CEP63: variants seen among roughly 807,000 people sequenced by gnomAD.
CEP63 encodes centrosomal protein 63.
A neutral mutation model predicts 89.1 loss-of-function variants in CEP63; 84 were observed. The observed-to-expected ratio is 0.94, with a 90% CI of 0.79 to 1.13. CEP63 has a LOEUF of 1.13. Ranked by LOEUF, CEP63 falls within the 50% of genes most tolerant of loss-of-function variation. The probability of loss-of-function intolerance (pLI) is 0.00; values close to 1 mark genes in which losing one functional copy is unlikely to be tolerated. For missense variants in CEP63, 838 were observed against 813.3 expected, an observed-to-expected ratio of 1.03 and a Z score of -0.37; for synonymous variants, 267 against 272.5, an observed-to-expected ratio of 0.98 and a Z score of 0.20.
At position 134,561,396 on chromosome 3, in the gene CEP63, C is replaced by T. The variant is rs781235688; in HGVS notation, c.1973C>T (p.Pro658Leu). 5 of 1,613,954 alleles carry T rather than the reference C, an allele frequency of 3.1e-6. No individual in the cohort carries two copies. Among genetic ancestry groups the T allele is most frequent in the South Asian group, 1.1e-5 (1 of 91,082 alleles). The stretch of plus-strand genomic sequence containing the variant: ...TTCCAGTGTTCCTTGCCTGTATCTC[C>T]CCTTGGTTCAATAGCTACCAGATTT... ...FISSCSLPVSPLGSIATRFLE... is the reference protein window; with the variant it reads ...FISSCSLPVSLLGSIATRFLE... Residue 658 changes from proline (P) to leucine (L), a missense_variant, in exon 15 of 15, where the codon CCC becomes CTC. By Grantham distance (98) the Pro-to-Leu change is moderately conservative. Coordinates refer to ENST00000675561, the MANE Select transcript of CEP63 (RefSeq NM_001353108.3).
chr3:134,558,026 T>G (rs1010677428), intron 12 of CEP63, 116 bp from the exon 13 acceptor site: 1 of 864,412 alleles, frequency 1.2e-6, no homozygotes. Flanking sequence ...AAAGCTTCAT[T>G]AAAGCCATAG....
chr3:134,648,956 G>A, the CEP63 span, among the ~76,000 whole-genome samples: 4 of 152,180 alleles, frequency 2.6e-5, no homozygotes, highest in African/African-American at 4.8e-5. Context: ...GCACCCATGG[G>A]AGGCTTTGGA....
the CEP63 span, among the ~76,000 whole-genome samples, chr3:134,698,092 C>A: frequency 6.6e-6 from 1 of 151,814 alleles, no homozygotes. Context: ...GGGCAGATAC[C>A]CCGCCAACCT....
chr3:134,691,173 G>T, the CEP63 span, among the ~76,000 whole-genome samples: 2 of 152,144 alleles, frequency 1.3e-5, no homozygotes, highest in Non-Finnish European at 2.9e-5. Context: ...TGGGTAACAC[G>T]ACAAAACCCT....
At chr3:134,651,414 A>G in the CEP63 span, 1 of 1,085,486 alleles carries the variant, frequency 9.2e-7, no homozygotes, top group East Asian at 8.1e-5. Context: ...AGCCCCTGGC[A>G]AATACAGAAA....
chr3:134,506,083 G>T (rs368748109), intron 2 of CEP63, among the ~76,000 whole-genome samples: 1 of 152,114 alleles, frequency 6.6e-6, no homozygotes, highest in Non-Finnish European at 1.5e-5. Context: ...AAGTACAAAG[G>T]TTCTGTCACA....
At chr3:134,727,908 G>C in the CEP63 span, among the ~76,000 whole-genome samples, 1 of 152,078 alleles carries the variant, frequency 6.6e-6, no homozygotes, top group Admixed American at 6.6e-5. Flanking sequence ...TTTCTATGCT[G>C]TAAATCTTCC....
Position 134,555,383 on chromosome 3 carries a change from C to T in CEP63, c.1468-2759C>T, listed in dbSNP as rs536143255. 2.6e-5 allele frequency among the ~76,000 whole-genome samples: 4 copies of T among 152,014 alleles called. No individual in the cohort carries two copies. The East Asian group carries it at 5.8e-4, about 22-fold the overall frequency. ...GTATATCTAGAAAACCCCATTGTCT[C>T]AGCCCAAAATCTCCTTAAGCTGATA... On this transcript the variant is annotated intron_variant, in intron 12 of 14. Coordinates refer to ENST00000675561, the MANE Select transcript of CEP63 (RefSeq NM_001353108.3).
chr3:134,708,722 G>A, the CEP63 span, among the ~76,000 whole-genome samples: 14 of 152,154 alleles, frequency 9.2e-5, no homozygotes, highest in Non-Finnish European at 1.8e-4. Context: ...ATGCCTTCCT[G>A]CCCCCTTTTG....
intron 14 of CEP63, among the ~76,000 whole-genome samples, chr3:134,560,777 C>T (rs535453536): frequency 6.6e-6 from 1 of 152,028 alleles, no homozygotes; most frequent in Non-Finnish European, 1.5e-5. Context: ...TGTATTTTCC[C>T]TGGGCCAAAA....
At chr3:134,737,467 A>G in the CEP63 span, among the ~76,000 whole-genome samples, 1 of 152,242 alleles carries the variant, frequency 6.6e-6, no homozygotes, top group Admixed American at 6.5e-5. Flanking sequence ...AAGAAAAAAA[A>G]GACAAAAGAT....
chr3:134,761,003 C>A, the CEP63 span, among the ~76,000 whole-genome samples: 28 of 149,072 alleles, frequency 1.9e-4, no homozygotes, highest in African/African-American at 6.9e-4. Context: ...ACATGTTGCT[C>A]AAAAGACATT....
chr3:134,616,071 A>G, the CEP63 span, among the ~76,000 whole-genome samples: 1 of 152,248 alleles, frequency 6.6e-6, no homozygotes, highest in African/African-American at 2.4e-5. Context: ...ACTCAAGAGC[A>G]GCAGTCTGGG....
intron 3 of CEP63, among the ~76,000 whole-genome samples, chr3:134,522,187 T>G (rs892544620): frequency 2.0e-5 from 3 of 152,134 alleles, no homozygotes; most frequent in African/African-American, 7.2e-5. Flanking sequence ...ATAAACAGGA[T>G]ATATGTAATT....
the CEP63 span, among the ~76,000 whole-genome samples, chr3:134,638,729 A>G: frequency 6.6e-6 from 1 of 152,186 alleles, no homozygotes; most frequent in African/African-American, 2.4e-5. Context: ...TCACCCAGTC[A>G]GGTTTCTTCC....
the CEP63 span, chr3:134,603,660 C>T: frequency 6.2e-7 from 1 of 1,613,660 alleles, no homozygotes; most frequent in Non-Finnish European, 8.5e-7. Flanking sequence ...CATAGACTTC[C>T]TGGCAGCCAG....
chr3:134,576,421 C>T (rs558904139), downstream of CEP63, among the ~76,000 whole-genome samples: 1 of 152,334 alleles, frequency 6.6e-6, no homozygotes, highest in South Asian at 2.1e-4. Context: ...CCTTCCTGCT[C>T]CAAGAACCTC....
chr3:134,750,994 A>G, the CEP63 span, among the ~76,000 whole-genome samples: 2 of 152,226 alleles, frequency 1.3e-5, no homozygotes, highest in African/African-American at 4.8e-5. Flanking sequence ...CTAGTTCCAC[A>G]ACATTCCTGT....
At chr3:134,486,629 A>G in intron 1 of CEP63, 14 of 817,122 alleles carry the variant, frequency 1.7e-5, no homozygotes, top group Non-Finnish European at 2.1e-5. Flanking sequence ...GAGAGACCCC[A>G]GTGCGGCCTC....
Sources: gnomAD v4.1 joint callset for allele counts (sites outside exome capture counted in the v4.1 genomes callset) on GRCh38, gnomAD v4.1.1 for gene constraint, MANE v1.5 for transcripts, NCBI Gene and HGNC (gene_info 2026-07-23, HGNC 2026-07-21) for gene names.